Variants in CTSS observed in about 807,000 individuals in gnomAD.
The protein encoded by CTSS is cathepsin S.
CTSS carries 15 observed loss-of-function variants against 39.9 expected under a neutral mutation model. The observed-to-expected ratio is 0.38, with a 90% CI of 0.25 to 0.58. The LOEUF (loss-of-function observed/expected upper bound fraction) is 0.58, where lower values mean the gene tolerates loss of function less well. CTSS is among the 20% of genes least tolerant of loss of function. The pLI, the probability that CTSS is intolerant of heterozygous loss-of-function variation, is 0.70. For synonymous variants in CTSS, 126 were observed against 138.2 expected (o/e 0.91, Z 0.62); for missense variants, 250 against 398.2 (o/e 0.63, Z 3.17).
intron 6 of CTSS, 164 bp from the exon 7 acceptor site, chr1:150,748,043 G>A: frequency 1.9e-6 from 1 of 537,338 alleles, no homozygotes; most frequent in Non-Finnish European, 3.3e-6. Context: ...TGTAATCCCA[G>A]AAGTTTGGGA....
intron 7 of CTSS, among the ~76,000 whole-genome samples, chr1:150,736,871 C>T (rs1652646022): frequency 6.6e-6 from 1 of 151,954 alleles, no homozygotes; most frequent in South Asian, 2.1e-4. Context: ...CGGTACTTAC[C>T]AAGTTGTATA....
chr1:150,750,184 G>A lies in CTSS; in HGVS notation c.628-13C>T, dbSNP rs751011721. ...GACATTTCTGATCCTGCAAAAAGAA[G>A]TATAAATATGATGAAGTATACTTCA... On this transcript the variant is annotated splice_polypyrimidine_tract_variant and intron_variant, in intron 5 of 7. Coordinates refer to ENST00000368985, the MANE Select transcript of CTSS (RefSeq NM_004079.5). The A allele has an allele frequency of 8.8e-6, 14 of 1,597,102 alleles. No individual in the cohort carries two copies. Among genetic ancestry groups the A allele is most frequent in the Non-Finnish European group, 1.2e-5 (14 of 1,167,058 alleles).
intron 7 of CTSS, among the ~76,000 whole-genome samples, chr1:150,741,163 A>G (rs1466569377): frequency 6.6e-6 from 1 of 152,040 alleles, no homozygotes; most frequent in Non-Finnish European, 1.5e-5. Flanking sequence ...CACCATGCCC[A>G]GCTAATTTTT....
rs369911614 is a variant in CTSS, at chr1:150,751,814, G to T, written c.594C>A (p.Ile198=). ...AFQYIIDNKG[I]DSDASYPYKA... ...TGTAGGGATAGGAAGCGTCTGAGTC[G>T]ATGCCCTTGTTATCAATGATGTACT... Residue 198 remains isoleucine (I), a synonymous_variant, in exon 5 of 8, where the codon ATC becomes ATA. Transcript: ENST00000368985. 6.2e-7 allele frequency: 1 copy of T among 1,614,092 alleles called. No homozygotes were observed. Among genetic ancestry groups the T allele is most frequent in the Non-Finnish European group, 8.5e-7 (1 of 1,180,016 alleles).
intron 2 of CTSS, among the ~76,000 whole-genome samples, chr1:150,762,872 A>G (rs1271155213): frequency 1.3e-5 from 2 of 152,188 alleles, no homozygotes; most frequent in African/African-American, 2.4e-5. Context: ...AGGTTCCTCA[A>G]AAAACTAAAA....
intron 2 of CTSS, among the ~76,000 whole-genome samples, chr1:150,760,498 C>T (rs1349390609): frequency 6.6e-6 from 1 of 152,132 alleles, no homozygotes; most frequent in Non-Finnish European, 1.5e-5. Flanking sequence ...GCTGAAAATC[C>T]TAGCCAGAGC....
At chr1:150,761,799 T>C (rs1299488911) in intron 2 of CTSS, among the ~76,000 whole-genome samples, 1 of 152,158 alleles carries the variant, frequency 6.6e-6, no homozygotes, top group Admixed American at 6.6e-5. Flanking sequence ...TGGGAAGATA[T>C]TCCATGCTTA....
At chr1:150,763,352 T>C (rs920324288) in intron 2 of CTSS, among the ~76,000 whole-genome samples, 1 of 152,090 alleles carries the variant, frequency 6.6e-6, no homozygotes, top group Non-Finnish European at 1.5e-5. Context: ...ACAAGAAGAC[T>C]ACATTCTAGC....
chr1:150,764,522 GCC>G, intron 2 of CTSS, 114 bp downstream of exon 2: 1 of 1,397,136 alleles, frequency 7.2e-7, no homozygotes, highest in Non-Finnish European at 9.9e-7. Context: ...ACAGGCGCGA[GCC>G]ACCACACCCA....
chr1:150,746,144 A>C (rs1037586090), intron 7 of CTSS, among the ~76,000 whole-genome samples: 4 of 151,964 alleles, frequency 2.6e-5, no homozygotes, highest in Admixed American at 2.6e-4. Context: ...TCCTGTGTCC[A>C]CGAATATTTT....
intron 7 of CTSS, among the ~76,000 whole-genome samples, chr1:150,747,044 C>A (rs587651689): frequency 6.6e-6 from 1 of 152,182 alleles, no homozygotes; most frequent in East Asian, 1.9e-4. Flanking sequence ...CAGCAATAGT[C>A]CACACTAGAG....
At chr1:150,749,450 C>T (rs1206354116) in intron 6 of CTSS, among the ~76,000 whole-genome samples, 1 of 152,070 alleles carries the variant, frequency 6.6e-6, no homozygotes, top group Non-Finnish European at 1.5e-5. Flanking sequence ...AGAACAAGAC[C>T]CTAACTCTCT....
intron 7 of CTSS, among the ~76,000 whole-genome samples, chr1:150,736,381 C>A (rs1652636145): frequency 6.6e-6 from 1 of 152,108 alleles, no homozygotes; most frequent in African/African-American, 2.4e-5. Flanking sequence ...TTATTTTATT[C>A]CAAAGCCCAC....
intron 1 of CTSS, among the ~76,000 whole-genome samples, chr1:150,765,286 C>T (rs1336499837): frequency 5.7e-5 from 8 of 140,190 alleles, no homozygotes; most frequent in Admixed American, 6.9e-5. Flanking sequence ...TTCCTTTTTA[C>T]GTTTTTTTTT....
At chr1:150,756,927 G>T (rs1233464496) in intron 3 of CTSS, among the ~76,000 whole-genome samples, 2 of 151,994 alleles carry the variant, frequency 1.3e-5, no homozygotes, top group Non-Finnish European at 2.9e-5. Context: ...TGTTGGTCAG[G>T]CTAGTCTCAA....
chr1:150,750,047 C>G lies in CTSS; in HGVS notation c.752G>C (p.Gly251Ala). 6.2e-7 allele frequency: 1 copy of G among 1,613,828 alleles called. No homozygotes were observed. The highest frequency in any genetic ancestry group is 8.5e-7 in the Non-Finnish European group (1 of 1,179,790). The change falls in exon 6 of 8, where the codon GGT becomes GCT. Residue 251 changes from glycine (G) to alanine (A), a missense_variant. Transcript: ENST00000368985. The part of the protein sequence containing the change: ...AVANKGPVSV[G>A]VDARHPSFFL... ...GAAAGAAGGATGACGCGCATCTACA[C>G]CAACAGACACTGGGCCTTTATTGGC... is the stretch of plus-strand genomic sequence containing the variant.
At chr1:150,739,931 C>T (rs587646751) in intron 7 of CTSS, among the ~76,000 whole-genome samples, 27 of 152,284 alleles carry the variant, frequency 1.8e-4, no homozygotes, top group African/African-American at 6.5e-4. Flanking sequence ...TATGCCACCT[C>T]GATTTTAGCA....
chr1:150,759,198 C>G (rs1389859713), intron 2 of CTSS, among the ~76,000 whole-genome samples: 1 of 151,890 alleles, frequency 6.6e-6, no homozygotes, highest in Non-Finnish European at 1.5e-5. Context: ...TGATGTTTTA[C>G]AACTTCGTTA....
At chr1:150,741,336 A>G (rs980883650) in intron 7 of CTSS, among the ~76,000 whole-genome samples, 1 of 152,164 alleles carries the variant, frequency 6.6e-6, no homozygotes, top group African/African-American at 2.4e-5. Context: ...ATTTATGTGT[A>G]TCTTTTTTCA....
Sources: allele counts gnomAD v4.1 joint callset (sites outside exome capture counted in the v4.1 genomes callset), GRCh38; gene constraint gnomAD v4.1.1; transcripts MANE v1.5; gene names NCBI Gene and HGNC (gene_info 2026-07-23, HGNC 2026-07-21).